The following ST18 variants were observed in gnomAD, a reference collection of about 807,000 sequenced individuals.
ST18 encodes suppression of tumorigenicity 18 protein.
Under a neutral mutation model 110.0 loss-of-function variants are expected in ST18, and 50 were observed. That is an observed-to-expected ratio of 0.45 (90% CI 0.36 to 0.58). The LOEUF is 0.58. ST18 is among the 20% of genes least tolerant of loss of function. ST18 has a pLI of 0.00. For synonymous variants in ST18, 461 were observed against 452.4 expected (o/e 1.02, Z -0.24); for missense variants, 1,306 against 1,280.1 (o/e 1.02, Z -0.31).
At chr8:52,280,768 C>T (rs1254636623) in intron 2 of ST18, among the ~76,000 whole-genome samples, 1 of 151,990 alleles carries the variant, frequency 6.6e-6, no homozygotes, top group Non-Finnish European at 1.5e-5. Context: ...AAATTGGACA[C>T]ATCTATCATA....
At chr8:52,316,873 A>G (rs931895926) in intron 2 of ST18, among the ~76,000 whole-genome samples, 2 of 152,210 alleles carry the variant, frequency 1.3e-5, no homozygotes, top group African/African-American at 4.8e-5. Context: ...AGTAGTGGTG[A>G]AAATGACCAT....
intron 23 of ST18, among the ~76,000 whole-genome samples, chr8:52,121,947 G>A (rs886172373): frequency 4.6e-5 from 7 of 152,178 alleles, no homozygotes; most frequent in Non-Finnish European, 7.3e-5. Flanking sequence ...CCAGGTTCAA[G>A]CGATTCTCCT....
At chr8:52,189,803 G>A (rs2073858971) in intron 8 of ST18, among the ~76,000 whole-genome samples, 1 of 152,168 alleles carries the variant, frequency 6.6e-6, no homozygotes, top group Non-Finnish European at 1.5e-5. Flanking sequence ...ATGAAAACCT[G>A]TCCCAGGGGG....
intron 9 of ST18, among the ~76,000 whole-genome samples, chr8:52,174,491 G>A (rs1232313643): frequency 6.6e-6 from 1 of 152,168 alleles, no homozygotes; most frequent in East Asian, 1.9e-4. Context: ...TATTTGGGCT[G>A]TGTTAGAGTG....
chr8:52,273,186 G>A (rs1190760812), intron 2 of ST18, among the ~76,000 whole-genome samples: 1 of 152,170 alleles, frequency 6.6e-6, no homozygotes, highest in Non-Finnish European at 1.5e-5. Flanking sequence ...AGCAGCAGTT[G>A]GACAGCTTTA....
At chr8:52,168,143 G>A (rs981431600) in intron 10 of ST18, among the ~76,000 whole-genome samples, 4 of 150,846 alleles carry the variant, frequency 2.7e-5, no homozygotes, top group East Asian at 1.9e-4. Flanking sequence ...CTTGGGGCAC[G>A]GAGAAGAAAG....
chr8:52,362,418 C>T (rs1037552819), intron 2 of ST18, among the ~76,000 whole-genome samples: 1 of 152,152 alleles, frequency 6.6e-6, no homozygotes, highest in Non-Finnish European at 1.5e-5. Flanking sequence ...TCCCTCCATT[C>T]AAATGCTGTT....
chr8:52,118,287 C>T (rs1586161349), intron 24 of ST18, 51 bp downstream of exon 24: 9 of 1,244,860 alleles, frequency 7.2e-6, no homozygotes, highest in South Asian at 1.4e-5. Flanking sequence ...GTTTTGTTTC[C>T]ACCAAAGATT....
chr8:52,309,906 T>C (rs1472818885), intron 2 of ST18, among the ~76,000 whole-genome samples: 1 of 152,152 alleles, frequency 6.6e-6, no homozygotes, highest in Non-Finnish European at 1.5e-5. Context: ...TTTAATACAA[T>C]GCTGTTAACG....
intron 2 of ST18, among the ~76,000 whole-genome samples, chr8:52,271,552 G>A (rs946377017): frequency 6.6e-6 from 1 of 152,216 alleles, no homozygotes; most frequent in South Asian, 2.1e-4. Context: ...TCGCACAGAA[G>A]TCATGAGTAT....
chr8:52,385,497 G>A (rs112665520), intron 2 of ST18, among the ~76,000 whole-genome samples: 4,031 of 151,866 alleles, frequency 0.027, 64 homozygotes, highest in Non-Finnish European at 0.033. Context: ...CTACTCAAGA[G>A]GCTGAGGCAG....
At chr8:52,407,975 G>A (rs1845102671) in intron 2 of ST18, 1 of 152,112 alleles carries the variant, frequency 6.6e-6, no homozygotes, top group Non-Finnish European at 1.5e-5. Flanking sequence ...TATAATCAAA[G>A]CAAAGGTTTT....
At chr8:52,240,428 C>T (rs2093283816) in intron 2 of ST18, among the ~76,000 whole-genome samples, 1 of 151,950 alleles carries the variant, frequency 6.6e-6, no homozygotes, top group South Asian at 2.1e-4. Context: ...ACATCTCATC[C>T]GTAGGCTTAT....
rs2071402155 is a variant in ST18 at position 52,184,912 on chromosome 8, AGATTCATT to A, written c.87-4608_87-4601del. Among the ~76,000 whole-genome samples, 4 of 152,338 alleles carry A rather than the reference AGATTCATT, an allele frequency of 2.6e-5. No homozygotes were observed. In the South Asian group the frequency reaches 8.3e-4, roughly 32 times the overall value. ...TTCTTCTAATGAGACAGAATACCAC[AGATTCATT>A]GAAAGGGGCCAAGAAGTATGAATCT... is the stretch of plus-strand genomic sequence containing the variant. On this transcript the variant is annotated intron_variant, in intron 8 of 25. Coordinates refer to ENST00000689386, the MANE Select transcript of ST18 (RefSeq NM_001352837.2).
At chr8:52,363,605 C>G (rs1023304056) in intron 2 of ST18, among the ~76,000 whole-genome samples, 3 of 152,068 alleles carry the variant, frequency 2.0e-5, no homozygotes, top group African/African-American at 7.2e-5. Context: ...TCTAGCAGTG[C>G]CTTTTCATTC....
chr8:52,175,532 T>C (rs1329121865), intron 9 of ST18, among the ~76,000 whole-genome samples: 1 of 152,194 alleles, frequency 6.6e-6, no homozygotes, highest in Admixed American at 6.5e-5. Flanking sequence ...TGTGTGACCT[T>C]GGACAGGCCC....
At chr8:52,302,495 C>T (rs2095742269) in intron 2 of ST18, among the ~76,000 whole-genome samples, 1 of 152,158 alleles carries the variant, frequency 6.6e-6, no homozygotes, top group Admixed American at 6.5e-5. Context: ...TCCGCAGCCA[C>T]ACCTCCACAG....
chr8:52,231,714 A>G (rs903365350), intron 2 of ST18, among the ~76,000 whole-genome samples: 81 of 152,238 alleles, frequency 5.3e-4, no homozygotes, highest in African/African-American at 1.8e-3. Context: ...TGACCTCGTG[A>G]TCCGCCAGCC....
chr8:52,377,756 A>T (rs1832973653), intron 2 of ST18, among the ~76,000 whole-genome samples: 1 of 152,206 alleles, frequency 6.6e-6, no homozygotes, highest in African/African-American at 2.4e-5. Context: ...CTGGATGTAT[A>T]CCCAAGAGAA....
Sources: allele counts gnomAD v4.1 joint callset (sites outside exome capture counted in the v4.1 genomes callset), GRCh38; gene constraint gnomAD v4.1.1; transcripts MANE v1.5; gene names NCBI Gene and HGNC (gene_info 2026-07-23, HGNC 2026-07-21).